ZNF611: variants seen among roughly 807,000 people sequenced by gnomAD.
ZNF611 encodes zinc finger protein 611.
A neutral mutation model predicts 8.9 loss-of-function variants in ZNF611; 6 were observed. That is an observed-to-expected ratio of 0.68 (90% CI 0.37 to 1.34). ZNF611 has a LOEUF of 1.34. ZNF611 is among the 40% of genes most tolerant of loss of function. ZNF611 has a pLI of 0.02. For missense variants in ZNF611, 874 were observed against 841.3 expected (o/e 1.04, Z -0.48); for synonymous variants, 262 against 279.7 (o/e 0.94, Z 0.63).
intron 5 of ZNF611, among the ~76,000 whole-genome samples, chr19:52,712,848 C>G (rs753220107): frequency 6.6e-6 from 1 of 152,138 alleles, no homozygotes; most frequent in South Asian, 2.1e-4. Flanking sequence ...GATAAATATA[C>G]GAACAAAATG....
chr19:52,731,453 G>A (rs764497684), intron 1 of ZNF611, among the ~76,000 whole-genome samples: 2 of 151,790 alleles, frequency 1.3e-5, no homozygotes, highest in African/African-American at 4.8e-5. Context: ...TCACTGCAAC[G>A]TCTGCCTCCC....
chr19:52,724,837 G>A (rs1443346521), intron 3 of ZNF611, among the ~76,000 whole-genome samples: 2 of 151,988 alleles, frequency 1.3e-5, no homozygotes. Flanking sequence ...CCTCTTTGCT[G>A]CCCCTCTCCC....
At position 52,704,566 on chromosome 19, in the gene ZNF611, G is replaced by T; in HGVS notation, c.*371C>A. The stretch of plus-strand genomic sequence containing the variant: ...AGTTCACCGATGACCTGCAATATGT[G>T]AACGATCTCTGAAAAATTTGCCACA... On this transcript the variant is annotated 3_prime_UTR_variant, in exon 6 of 6. Transcript: ENST00000652185. The T allele has an allele frequency of 2.0e-6, 3 of 1,475,694 alleles. No homozygotes were observed. Among genetic ancestry groups the T allele is most frequent in the South Asian group, 1.2e-5 (1 of 86,124 alleles). 91.4% of individuals were successfully genotyped at this position (1,475,694 alleles called of 1,614,324 possible). A position where few individuals can be genotyped will look rare whatever the true frequency, so the allele number is the denominator to read the frequency against.
intron 4 of ZNF611, among the ~76,000 whole-genome samples, chr19:52,715,621 A>G (rs1184580434): frequency 6.6e-6 from 1 of 152,130 alleles, no homozygotes; most frequent in Non-Finnish European, 1.5e-5. Flanking sequence ...TCCCAGGACC[A>G]TGCCCAGTGG....
rs2062326766 is a variant in ZNF611 at position 52,717,689 on chromosome 19, C to T, written c.-19-1776G>A. ...CAAGTCAATCCAGCCCATCCTTCAA[C>T]ATCTGTAGAGAATATTATGGACCAG... On this transcript the variant is annotated intron_variant, in intron 3 of 5. Transcript: ENST00000652185. 12 of 984,874 alleles carry T rather than the reference C, an allele frequency of 1.2e-5. No homozygotes were observed. The South Asian group carries it at 5.2e-4, about 42-fold the overall frequency. 61.0% of individuals were successfully genotyped at this position (984,874 alleles called of 1,614,324 possible).
chr19:52,710,004 C>A (rs931632993), intron 5 of ZNF611, among the ~76,000 whole-genome samples: 4 of 152,188 alleles, frequency 2.6e-5, no homozygotes, highest in African/African-American at 7.2e-5. Flanking sequence ...TAGCTGACAT[C>A]TTGTTCTTGG....
At position 52,703,991 on chromosome 19, in the gene ZNF611, G is replaced by C. The variant is rs183926193; in HGVS notation, c.*946C>G. 5.4e-6 allele frequency: 1 copy of C among 183,702 alleles called. No homozygotes were observed. Among genetic ancestry groups the C allele is most frequent in the East Asian group, 1.5e-4 (1 of 6,472 alleles). The allele number at this position is 183,702 out of a possible 1,614,324, so 11.4% of individuals were successfully genotyped here. A position where few individuals can be genotyped will look rare whatever the true frequency, so the allele number is the denominator to read the frequency against. ...AAAGTACTGGCTCAAAAAAATAATA[G>C]AAAATAAGAAACAAAAAACAGGCTG... On this transcript the variant is annotated 3_prime_UTR_variant, in exon 6 of 6. Coordinates refer to ENST00000652185, the MANE Select transcript of ZNF611 (RefSeq NM_001161499.2).
rs146441733 is a variant in ZNF611, at chr19:52,703,570, G to T, written c.*1367C>A. The T allele has an allele frequency of 6.8e-6, 1 of 148,026 alleles. No individual in the cohort carries two copies. 9.2% of individuals were successfully genotyped at this position (148,026 alleles called of 1,614,324 possible). ...TCTGATTGCAGGGATGAGCCACCAC[G>T]TACCGAGGCTTTGATATCCTTTTTT... On this transcript the variant is annotated 3_prime_UTR_variant, in exon 6 of 6. Coordinates refer to ENST00000652185, the MANE Select transcript of ZNF611 (RefSeq NM_001161499.2).
chr19:52,720,360 G>A (rs1288093657), intron 3 of ZNF611, among the ~76,000 whole-genome samples: 1 of 152,194 alleles, frequency 6.6e-6, no homozygotes, highest in Non-Finnish European at 1.5e-5. Context: ...CCACCTCCCC[G>A]ACGGGGCGGC....
chr19:52,729,112 C>T (rs898929386), intron 2 of ZNF611, among the ~76,000 whole-genome samples: 6 of 151,950 alleles, frequency 3.9e-5, no homozygotes, highest in Admixed American at 1.3e-4. Flanking sequence ...CCACTGTGAC[C>T]CTAAAGTGCA....
In ZNF611 at chr19:52,721,200, G is replaced by C. The variant is rs181907494; in HGVS notation, c.-19-5287C>G. 5.8e-4 allele frequency: 90 copies of C among 155,806 alleles called. 2 individuals are homozygous for C. In the East Asian group the frequency reaches 0.014, roughly 25 times the overall value. The allele number at this position is 155,806 out of a possible 1,614,324, so 9.7% of individuals were successfully genotyped here. A position where few individuals can be genotyped will look rare whatever the true frequency, so the allele number is the denominator to read the frequency against. On this transcript the variant is annotated intron_variant, in intron 3 of 5. Transcript: ENST00000652185. ...GAGGTGCTCCTCATTTCCCAGACTGGGCAGCCGGGCAGAGAGGCTCCTCAC... is the reference window on the plus strand; with the variant it reads ...GAGGTGCTCCTCATTTCCCAGACTGCGCAGCCGGGCAGAGAGGCTCCTCAC...
In ZNF611 at chr19:52,704,260, T is replaced by C. The variant is rs565176310; in HGVS notation, c.*677A>G. 1.6e-5 allele frequency: 8 copies of C among 485,162 alleles called. No individual in the cohort carries two copies. The highest frequency in any genetic ancestry group is 1.4e-4 in the African/African-American group (7 of 50,434). The allele number at this position is 485,162 out of a possible 1,614,324, so 30.1% of individuals were successfully genotyped here. A position where few individuals can be genotyped will look rare whatever the true frequency, so the allele number is the denominator to read the frequency against. On this transcript the variant is annotated 3_prime_UTR_variant, in exon 6 of 6. Transcript: ENST00000652185. ...AATGCTTGATGGTTTGCTATACTCA[T>C]TTCATTGGGAACGGTTATCTCAAAA...
At position 52,706,010 on chromosome 19, in the gene ZNF611, C is replaced by T. The variant is rs2062240210; in HGVS notation, c.1045G>A (p.Asp349Asn). Residue 349 changes from aspartate to asparagine, a missense_variant, in exon 6 of 6, where the codon GAC becomes AAC. Physicochemically the swap from Asp to Asn is conservative, Grantham distance 23. Coordinates refer to ENST00000652185, the MANE Select transcript of ZNF611 (RefSeq NM_001161499.2). ...TGTGATTGTTGATTAAAAGCCTTGT[C>T]ACATTCATTACACTTGTAAGGATTT... is the stretch of plus-strand genomic sequence containing the variant. Reference protein sequence around the residue: ...GENPYKCNECDKAFNQQSQLS... With the variant: ...GENPYKCNECNKAFNQQSQLS... 1 of 1,614,166 alleles carries T rather than the reference C, an allele frequency of 6.2e-7. No individual in the cohort carries two copies.
intron 3 of ZNF611, among the ~76,000 whole-genome samples, chr19:52,717,357 T>C (rs557198192): frequency 6.3e-4 from 96 of 152,166 alleles, no homozygotes; most frequent in African/African-American, 2.2e-3. Flanking sequence ...AACAAGGACC[T>C]AGAAAAGAAA....
intron 1 of ZNF611, among the ~76,000 whole-genome samples, chr19:52,732,834 G>A (rs2062434609): frequency 6.6e-6 from 1 of 151,700 alleles, no homozygotes; most frequent in African/African-American, 2.4e-5. Context: ...CATGCCTCTG[G>A]TCTCAGCTAC....
chr19:52,733,780 C>T (rs1044219864), intron 1 of ZNF611, among the ~76,000 whole-genome samples: 1 of 151,800 alleles, frequency 6.6e-6, no homozygotes, highest in Non-Finnish European at 1.5e-5. Flanking sequence ...CCTTCTCTTC[C>T]ACCTCTTCTC....
intron 4 of ZNF611, 108 bp downstream of exon 4, chr19:52,715,724 G>A: frequency 6.5e-7 from 1 of 1,539,916 alleles, no homozygotes; most frequent in Non-Finnish European, 8.8e-7. Context: ...GAGTGCGAGT[G>A]AACGTGTCAG....
chr19:52,729,120 G>C (rs2062409477), intron 2 of ZNF611, among the ~76,000 whole-genome samples: 1 of 152,016 alleles, frequency 6.6e-6, no homozygotes, highest in Non-Finnish European at 1.5e-5. Flanking sequence ...ACCCTAAAGT[G>C]CATCACAGTT....
In ZNF611 at chr19:52,705,516, A is replaced by T. The variant is rs1267164933; in HGVS notation, c.1539T>A (p.Asp513Glu). The change falls in exon 6 of 6, where the codon GAT becomes GAA. Residue 513 changes from aspartate to glutamate, a missense_variant. Physicochemically the swap from Asp to Glu is conservative, Grantham distance 45 (BLOSUM62 2). Transcript: ENST00000652185. Reference sequence around the variant, plus strand: ...TACGACTGAAAACCTTTTCACATTCATCACATTTGTAAGGTTGCTCCCCAG... The same window carrying T: ...TACGACTGAAAACCTTTTCACATTCTTCACATTTGTAAGGTTGCTCCCCAG... ...IHTGEQPYKC[D>E]ECEKVFSRKS... 2.5e-6 allele frequency: 4 copies of T among 1,613,594 alleles called. No individual in the cohort carries two copies. The highest frequency in any genetic ancestry group is 1.7e-4 in the Middle Eastern group (1 of 6,052).
Sources: gnomAD v4.1 joint callset for allele counts (sites outside exome capture counted in the v4.1 genomes callset) on GRCh38, gnomAD v4.1.1 for gene constraint, MANE v1.5 for transcripts, NCBI Gene and HGNC (gene_info 2026-07-23, HGNC 2026-07-21) for gene names.